Variants in ROR1 observed in about 807,000 individuals in gnomAD.
The protein encoded by ROR1 is inactive tyrosine-protein kinase transmembrane receptor ROR1.
Under a neutral mutation model 78.8 loss-of-function variants are expected in ROR1, and 19 were observed. The ratio of observed to expected loss-of-function variants is 0.24; its 90% confidence interval spans 0.17 to 0.35. The LOEUF (loss-of-function observed/expected upper bound fraction) is 0.35. Among genes scored for constraint, ROR1 ranks in the 10% least tolerant of loss-of-function variants. ROR1 has a pLI of 1.00. For synonymous variants in ROR1, 386 were observed against 433.6 expected, an observed-to-expected ratio of 0.89 and a Z score of 1.36; for missense variants, 917 against 1,177.8, an observed-to-expected ratio of 0.78 and a Z score of 3.24.
At chr1:63,973,869 A>G (rs79925094) in intron 1 of ROR1, among the ~76,000 whole-genome samples, 2,023 of 152,318 alleles carry the variant, frequency 0.013, 45 homozygotes, top group African/African-American at 0.047. Flanking sequence ...CAACATGCCT[A>G]TGAGACACTG....
chr1:63,864,524 G>A (rs192738769), intron 1 of ROR1, among the ~76,000 whole-genome samples: 7 of 152,180 alleles, frequency 4.6e-5, no homozygotes, highest in Non-Finnish European at 8.8e-5. Flanking sequence ...ATGACGGGGG[G>A]TAGGCGGTTT....
chr1:63,949,640 G>A (rs911110885), intron 1 of ROR1, among the ~76,000 whole-genome samples: 2 of 152,066 alleles, frequency 1.3e-5, no homozygotes, highest in Non-Finnish European at 2.9e-5. Flanking sequence ...GAATGTGTCT[G>A]GAAAGTGCCA....
At chr1:64,092,267 C>T (rs557445305) in intron 4 of ROR1, among the ~76,000 whole-genome samples, 10 of 152,136 alleles carry the variant, frequency 6.6e-5, no homozygotes, top group East Asian at 5.8e-4. Flanking sequence ...AAGAGGTGAC[C>T]GCAGGTGGTT....
At chr1:63,899,182 C>T (rs1038940023) in intron 1 of ROR1, among the ~76,000 whole-genome samples, 1 of 152,120 alleles carries the variant, frequency 6.6e-6, no homozygotes, top group East Asian at 1.9e-4. Flanking sequence ...ACTTTGCCTT[C>T]CTCATCAGTC....
intron 1 of ROR1, among the ~76,000 whole-genome samples, chr1:63,812,772 A>G (rs1402632092): frequency 6.6e-6 from 1 of 152,174 alleles, no homozygotes; most frequent in Non-Finnish European, 1.5e-5. Flanking sequence ...CTTTATTAAG[A>G]GCTTTATTTT....
chr1:63,814,235 C>T (rs939671397), intron 1 of ROR1, among the ~76,000 whole-genome samples: 19 of 152,182 alleles, frequency 1.2e-4, no homozygotes, highest in African/African-American at 3.1e-4. Context: ...AAAGCAAAGT[C>T]GTTCATCAAA....
In ROR1 at chr1:63,869,396, A is replaced by G. The variant is rs147410177; in HGVS notation, c.91+94888A>G. Among the ~76,000 whole-genome samples the G allele has an allele frequency of 4.2e-3, 637 of 152,300 alleles. 1 individual carries two copies. The highest frequency in any genetic ancestry group is 7.6e-3 in the Admixed American group (117 of 15,300). The stretch of plus-strand genomic sequence containing the variant: ...CCTGCAGCTCATTGTGACTGGGCCA[A>G]CTTTGGCCTTTGTGCCTGGCTTCTA... On this transcript the variant is annotated intron_variant, in intron 1 of 8. Coordinates refer to ENST00000371079, the MANE Select transcript of ROR1 (RefSeq NM_005012.4).
intron 1 of ROR1, among the ~76,000 whole-genome samples, chr1:63,814,922 G>C (rs1157629417): frequency 6.6e-6 from 1 of 152,288 alleles, no homozygotes; most frequent in East Asian, 1.9e-4. Flanking sequence ...TAGTACTTCT[G>C]GTGGAGTGTC....
At chr1:63,966,972 G>A (rs1262160572) in intron 1 of ROR1, among the ~76,000 whole-genome samples, 1 of 152,120 alleles carries the variant, frequency 6.6e-6, no homozygotes, top group Non-Finnish European at 1.5e-5. Context: ...ACTTTGGTTA[G>A]GTGCTGCCTC....
intron 1 of ROR1, among the ~76,000 whole-genome samples, chr1:63,940,452 G>A (rs562442636): frequency 6.6e-6 from 1 of 151,878 alleles, no homozygotes; most frequent in Admixed American, 6.6e-5. Context: ...TTCGGTGACA[G>A]GTAGGTAAGT....
At chr1:63,850,031 CCATG>C (rs1645104207) in intron 1 of ROR1, among the ~76,000 whole-genome samples, 1 of 152,150 alleles carries the variant, frequency 6.6e-6, no homozygotes, top group African/African-American at 2.4e-5. Context: ...CTTTTCATTC[CCATG>C]CATGTTTTTA....
chr1:64,027,331 G>T (rs1345855668), intron 2 of ROR1, among the ~76,000 whole-genome samples: 1 of 152,144 alleles, frequency 6.6e-6, no homozygotes, highest in Non-Finnish European at 1.5e-5. Flanking sequence ...AATACTTTGT[G>T]CTGCCACTTC....
intron 4 of ROR1, among the ~76,000 whole-genome samples, chr1:64,096,900 C>T (rs577121012): frequency 9.0e-6 from 1 of 111,506 alleles, no homozygotes; most frequent in Non-Finnish European, 1.7e-5. Context: ...ACAACCTCAC[C>T]AGCATCTGTT....
At position 64,178,306 on chromosome 1, in the gene ROR1, C is replaced by T. The variant is rs1426016128; in HGVS notation, c.2265C>T (p.His755=). 1.2e-6 allele frequency: 2 copies of T among 1,614,040 alleles called. No homozygotes were observed. The highest frequency in any genetic ancestry group is 1.6e-4 in the Middle Eastern group (1 of 6,084). The change falls in exon 9 of 9, where the codon CAC becomes CAT. Residue 755 remains histidine, a synonymous_variant. Transcript: ENST00000371079. The surrounding 1 kb of genome is among the most constrained non-coding windows in gnomAD (Gnocchi z 4.3). ...RLRSWEGLSS[H]TSSTTPSGGN... The stretch of plus-strand genomic sequence containing the variant: ...GGTCCTGGGAGGGACTCTCAAGTCA[C>T]ACAAGCTCTACTACTCCTTCAGGGG...
chr1:63,811,478 G>T (rs1443871567), intron 1 of ROR1, among the ~76,000 whole-genome samples: 1 of 152,154 alleles, frequency 6.6e-6, no homozygotes, highest in Non-Finnish European at 1.5e-5. Context: ...GCCAAGGAGA[G>T]ACTACTAGCC....
intron 1 of ROR1, among the ~76,000 whole-genome samples, chr1:63,931,500 C>T (rs1196487067): frequency 6.6e-6 from 1 of 152,004 alleles, no homozygotes; most frequent in Admixed American, 6.5e-5. Flanking sequence ...TTTCAGTTAC[C>T]CTCAGTCAAC....
chr1:63,966,042 A>G (rs1306488105), intron 1 of ROR1, among the ~76,000 whole-genome samples: 1 of 152,208 alleles, frequency 6.6e-6, no homozygotes, highest in African/African-American at 2.4e-5. Flanking sequence ...ATTAAATCCG[A>G]TGTTAGAGCT....
chr1:63,812,053 C>T (rs964546990), intron 1 of ROR1, among the ~76,000 whole-genome samples: 4 of 151,666 alleles, frequency 2.6e-5, no homozygotes, highest in South Asian at 2.1e-4. Context: ...CGCCACCTCC[C>T]GGGTTCAAGC....
intron 1 of ROR1, among the ~76,000 whole-genome samples, chr1:63,847,641 T>C (rs1645089582): frequency 6.6e-6 from 1 of 152,166 alleles, no homozygotes; most frequent in Non-Finnish European, 1.5e-5. Flanking sequence ...CCCACTTCAA[T>C]TGAAAGCCAC....
Sources: gnomAD v4.1 joint callset for allele counts (sites outside exome capture counted in the v4.1 genomes callset) on GRCh38, gnomAD v4.1.1 for gene constraint, Gnocchi (gnomAD v3.1) non-coding constraint, MANE v1.5 for transcripts, NCBI Gene and HGNC (gene_info 2026-07-23, HGNC 2026-07-21) for gene names.